TPD52L1: variants seen among roughly 807,000 people sequenced by gnomAD.
The protein encoded by TPD52L1 is TPD52 like 1.
A neutral mutation model predicts 28.7 loss-of-function variants in TPD52L1; 18 were observed. That is an observed-to-expected ratio of 0.63 (90% CI 0.43 to 0.93). TPD52L1 has a LOEUF of 0.93. TPD52L1 is among the 40% of genes least tolerant of loss of function. The pLI is 0.00. For missense variants in TPD52L1, 203 were observed against 254.8 expected (o/e 0.80, Z 1.39); for synonymous variants, 75 against 88.8 (o/e 0.84, Z 0.88).
At chr6:125,179,428 G>A (rs1792042515) in intron 1 of TPD52L1, among the ~76,000 whole-genome samples, 1 of 152,180 alleles carries the variant, frequency 6.6e-6, no homozygotes, top group South Asian at 2.1e-4. Flanking sequence ...CCTCAAGTGT[G>A]AAAAGGAATT....
chr6:125,196,184 C>T (rs1475588026), intron 1 of TPD52L1, among the ~76,000 whole-genome samples: 2 of 152,100 alleles, frequency 1.3e-5, no homozygotes, highest in African/African-American at 4.8e-5. Context: ...ATCAAAGACT[C>T]AGGAAAACAA....
chr6:125,253,911 G>T (rs116126229), intron 5 of TPD52L1, 156 bp downstream of exon 5: 4 of 818,230 alleles, frequency 4.9e-6, no homozygotes, highest in South Asian at 4.0e-5. Flanking sequence ...GAAGAATTGC[G>T]TAGCTTGGGC....
chr6:125,214,133 G>A (rs1794701342), intron 1 of TPD52L1, among the ~76,000 whole-genome samples: 1 of 152,138 alleles, frequency 6.6e-6, no homozygotes, highest in Admixed American at 6.5e-5. Flanking sequence ...GAGACAGGCA[G>A]GACTAGACAT....
At chr6:125,228,389 A>G (rs1795745197) in intron 2 of TPD52L1, among the ~76,000 whole-genome samples, 1 of 152,228 alleles carries the variant, frequency 6.6e-6, no homozygotes, top group Non-Finnish European at 1.5e-5. Flanking sequence ...TTACAGGTCA[A>G]TGAAACTGTT....
chr6:125,256,158 G>A (rs1164354368), intron 5 of TPD52L1, among the ~76,000 whole-genome samples: 1 of 152,122 alleles, frequency 6.6e-6, no homozygotes, highest in Non-Finnish European at 1.5e-5. Context: ...GACCAGCCTG[G>A]CCAACATGGT....
Position 125,216,525 on chromosome 6 carries a change from GTGTGTATATATATATATATATA to G in TPD52L1, c.20-3551_20-3530del, listed in dbSNP as rs1467476731. The stretch of plus-strand genomic sequence containing the variant: ...GTTTGCAACAGTAAATTCAGTATGT[GTGTGTATATATATATATATATA>G]TATATATATATATATATATATATAT... On this transcript the variant is annotated intron_variant, in intron 1 of 6. Transcript: ENST00000534000. Among the ~76,000 whole-genome samples the G allele has an allele frequency of 7.7e-3, 803 of 104,864 alleles. 17 individuals carry two copies. Among genetic ancestry groups the G allele is most frequent in the African/African-American group, 0.034 (729 of 21,238 alleles). 68.8% of individuals were successfully genotyped at this position (104,864 alleles called of 152,430 possible). A position where few individuals can be genotyped will look rare whatever the true frequency, so the allele number is the denominator to read the frequency against.
intron 6 of TPD52L1, among the ~76,000 whole-genome samples, chr6:125,259,609 A>G (rs996811222): frequency 6.6e-6 from 1 of 152,214 alleles, no homozygotes; most frequent in Non-Finnish European, 1.5e-5. Context: ...GTCATGAGTA[A>G]CTACATCTCT....
At chr6:125,241,196 A>G (rs1238342140) in intron 3 of TPD52L1, among the ~76,000 whole-genome samples, 2 of 152,150 alleles carry the variant, frequency 1.3e-5, no homozygotes, top group African/African-American at 4.8e-5. Flanking sequence ...ATGGTGGATT[A>G]TATTTTTGAT....
At chr6:125,208,216 T>C (rs1398781520) in intron 1 of TPD52L1, among the ~76,000 whole-genome samples, 3 of 152,200 alleles carry the variant, frequency 2.0e-5, no homozygotes, top group African/African-American at 4.8e-5. Context: ...CCTCATTAAC[T>C]TCTCTCAAGG....
intron 2 of TPD52L1, among the ~76,000 whole-genome samples, chr6:125,223,447 G>A (rs1427607902): frequency 6.6e-6 from 1 of 152,126 alleles, no homozygotes; most frequent in Non-Finnish European, 1.5e-5. Flanking sequence ...GGTGGCTCAC[G>A]CCTGTAATCC....
intron 4 of TPD52L1, among the ~76,000 whole-genome samples, chr6:125,249,778 A>T (rs1797155125): frequency 6.6e-6 from 1 of 151,522 alleles, no homozygotes; most frequent in Non-Finnish European, 1.5e-5. Context: ...ACATCTTTAT[A>T]AATTATATTA....
chr6:125,259,876 G>A (rs1419690276), intron 6 of TPD52L1: 2 of 152,280 alleles, frequency 1.3e-5, no homozygotes, highest in Middle Eastern at 3.4e-3. Flanking sequence ...TGTAGAGAAG[G>A]GTCCAGGAGA....
At chr6:125,182,033 G>T (rs1461194386) in intron 1 of TPD52L1, among the ~76,000 whole-genome samples, 2 of 152,172 alleles carry the variant, frequency 1.3e-5, no homozygotes, top group African/African-American at 2.4e-5. Context: ...GATACCTCTG[G>T]CATTAGGGAG....
rs1797694241 is a variant in TPD52L1, at chr6:125,257,845, A to T, written c.486+687A>T. On this transcript the variant is annotated intron_variant, in intron 6 of 6. Coordinates refer to ENST00000534000, the MANE Select transcript of TPD52L1 (RefSeq NM_003287.4). ...CTTAAAATTGAACTTTTAAAACAAG[A>T]AAAATCATTACAACTACTAAGATTA... is the stretch of plus-strand genomic sequence containing the variant. 2.6e-5 allele frequency among the ~76,000 whole-genome samples: 4 copies of T among 151,854 alleles called. 1 individual carries two copies. The South Asian group carries it at 8.3e-4, about 31-fold the overall frequency.
At chr6:125,156,940 T>A (rs1417209686) in intron 1 of TPD52L1, among the ~76,000 whole-genome samples, 1 of 152,190 alleles carries the variant, frequency 6.6e-6, no homozygotes, top group Non-Finnish European at 1.5e-5. Context: ...AGATTTTCAT[T>A]TTCAGACTTT....
Position 125,229,270 on chromosome 6 carries a change from A to T in TPD52L1, c.284+4A>T, listed in dbSNP as rs1453821883. ...ATGACATGCAGACTACCACTGCGTA[A>T]GTATCATATGAACAGTGTTTTATTA... On this transcript the variant is annotated splice_donor_region_variant and intron_variant, in intron 3 of 6. Coordinates refer to ENST00000534000, the MANE Select transcript of TPD52L1 (RefSeq NM_003287.4). 2.5e-6 allele frequency: 4 copies of T among 1,610,280 alleles called. No homozygotes were observed.
In TPD52L1 at chr6:125,206,589, A is replaced by G. The variant is rs544307464; in HGVS notation, c.20-13489A>G. On this transcript the variant is annotated intron_variant, in intron 1 of 6. Transcript: ENST00000534000. ...TGAGGAATGCTGTGTGTGACAGCCT[A>G]CATGGCTTAGAGGCTTTGGTAGGGA... Among the ~76,000 whole-genome samples the G allele has an allele frequency of 7.2e-5, 11 of 152,304 alleles. No homozygotes were observed. In the South Asian group the frequency reaches 2.3e-3, roughly 32 times the overall value.
chr6:125,199,873 G>T (rs77325474), intron 1 of TPD52L1, among the ~76,000 whole-genome samples: 3,308 of 152,274 alleles, frequency 0.022, 48 homozygotes, highest in African/African-American at 0.048. Flanking sequence ...TAGAGCACCT[G>T]TTAAAGCTTG....
At chr6:125,219,866 C>T in intron 1 of TPD52L1, 1 of 573,980 alleles carries the variant, frequency 1.7e-6, no homozygotes, top group Non-Finnish European at 3.1e-6. Context: ...TTCTCATTTT[C>T]TCTTAATTTT....
Sources: allele counts gnomAD v4.1 joint callset (sites outside exome capture counted in the v4.1 genomes callset), GRCh38; gene constraint gnomAD v4.1.1; transcripts MANE v1.5; gene names NCBI Gene and HGNC (gene_info 2026-07-23, HGNC 2026-07-21).